AP4E1: variants seen among roughly 807,000 people sequenced by gnomAD.
AP4E1 encodes AP-4 complex subunit epsilon-1.
Under a neutral mutation model 128.2 loss-of-function variants are expected in AP4E1, and 56 were observed. The observed-to-expected ratio is 0.44, with a 90% CI of 0.35 to 0.55. The LOEUF is 0.55. Ranked by LOEUF, AP4E1 falls within the 20% of genes least tolerant of loss-of-function variation. The pLI is 0.00. For missense variants in AP4E1, 1,324 were observed against 1,307.7 expected (o/e 1.01, Z -0.19); for synonymous variants, 484 against 473.1 (o/e 1.02, Z -0.30).
intron 17 of AP4E1, among the ~76,000 whole-genome samples, 155 bp downstream of exon 17, chr15:50,993,780 A>C (rs1462671157): frequency 6.6e-6 from 1 of 152,216 alleles, no homozygotes; most frequent in Admixed American, 6.5e-5. Context: ...CAGAACCACT[A>C]ATGACACAGC....
At chr15:50,957,159 G>A (rs1478151374) in intron 13 of AP4E1, among the ~76,000 whole-genome samples, 1 of 152,152 alleles carries the variant, frequency 6.6e-6, no homozygotes, top group East Asian at 1.9e-4. Flanking sequence ...CTCATCTGGT[G>A]TCCAGGAAAA....
chr15:50,986,228 A>G (rs1351707722), intron 16 of AP4E1, among the ~76,000 whole-genome samples: 2 of 152,188 alleles, frequency 1.3e-5, no homozygotes, highest in Non-Finnish European at 2.9e-5. Flanking sequence ...GGGGTTTTCT[A>G]GATATACAAT....
At chr15:50,909,067 C>A in intron 1 of AP4E1, 139 bp downstream of exon 1, 1 of 1,370,792 alleles carries the variant, frequency 7.3e-7, no homozygotes. Context: ...GTCGGTTCGT[C>A]CTTTCGTCTG....
intron 10 of AP4E1, among the ~76,000 whole-genome samples, chr15:50,944,107 C>T (rs8031702): frequency 0.48 from 72,995 of 151,920 alleles, 17,851 homozygotes; most frequent in East Asian, 0.59. Flanking sequence ...TTACCTGCAG[C>T]GAGAAAAGTG....
chr15:50,911,448 A>T (rs1307100060), intron 1 of AP4E1, among the ~76,000 whole-genome samples: 1 of 150,170 alleles, frequency 6.7e-6, no homozygotes, highest in South Asian at 2.1e-4. Context: ...GGGCCAATAC[A>T]TGGAGAATTT....
At chr15:50,938,314 A>G (rs1440640272) in intron 8 of AP4E1, among the ~76,000 whole-genome samples, 4 of 152,172 alleles carry the variant, frequency 2.6e-5, no homozygotes, top group Non-Finnish European at 5.9e-5. Flanking sequence ...AGAAAAGGGA[A>G]ATTAGCAAGG....
At chr15:50,955,497 A>C (rs1041067772) in intron 13 of AP4E1, among the ~76,000 whole-genome samples, 9 of 152,122 alleles carry the variant, frequency 5.9e-5, no homozygotes, top group African/African-American at 2.2e-4. Context: ...GGTGTTGTTC[A>C]GTTCTTCTAT....
chr15:50,968,208 A>G, intron 14 of AP4E1, 55 bp from the exon 15 acceptor site: 2 of 1,164,814 alleles, frequency 1.7e-6, no homozygotes, highest in South Asian at 1.3e-5. Context: ...GTGACTATAT[A>G]ATCTACTTAG....
intron 16 of AP4E1, among the ~76,000 whole-genome samples, chr15:50,986,073 A>G (rs1474867121): frequency 7.2e-5 from 11 of 152,146 alleles, no homozygotes; most frequent in Non-Finnish European, 1.2e-4. Flanking sequence ...CTTTGAAGCA[A>G]TTGTGAATGG....
chr15:50,984,270 C>T (rs1460892995), intron 16 of AP4E1, 125 bp downstream of exon 16: 1 of 1,187,126 alleles, frequency 8.4e-7, no homozygotes, highest in Non-Finnish European at 1.2e-6. Context: ...GGATAACTTT[C>T]AAGAGGTCTA....
chr15:50,923,800 T>C (rs1477903029), intron 3 of AP4E1, 131 bp from the exon 4 acceptor site: 1 of 698,718 alleles, frequency 1.4e-6, no homozygotes, highest in African/African-American at 1.8e-5. Flanking sequence ...TTTAACCTTA[T>C]ATTTTGCAAT....
At chr15:50,924,539 G>A (rs2063746306) in intron 4 of AP4E1, among the ~76,000 whole-genome samples, 1 of 152,078 alleles carries the variant, frequency 6.6e-6, no homozygotes, top group African/African-American at 2.4e-5. Context: ...TTTATCTTGT[G>A]TCAGTTTTTT....
chr15:51,002,864 T>A lies in AP4E1; in HGVS notation c.*202T>A, dbSNP rs2064981728. 1 of 617,930 alleles carries A rather than the reference T, an allele frequency of 1.6e-6. No individual in the cohort carries two copies. Among genetic ancestry groups the A allele is most frequent in the Non-Finnish European group, 2.7e-6 (1 of 363,940 alleles). 38.3% of individuals were successfully genotyped at this position (617,930 alleles called of 1,614,324 possible). ...ACCTTTAACTCAGGATTGTACAGTATGTTTAGGTCCCTCAAAAAGTGACCT... is the reference window on the plus strand; with the variant it reads ...ACCTTTAACTCAGGATTGTACAGTAAGTTTAGGTCCCTCAAAAAGTGACCT... On this transcript the variant is annotated 3_prime_UTR_variant, in exon 21 of 21. Transcript: ENST00000261842.
chr15:50,937,673 A>G (rs977519212), intron 8 of AP4E1, among the ~76,000 whole-genome samples: 7 of 152,226 alleles, frequency 4.6e-5, no homozygotes, highest in Non-Finnish European at 1.0e-4. Flanking sequence ...TACTGATGTG[A>G]TAGGACCCTG....
intron 15 of AP4E1, among the ~76,000 whole-genome samples, chr15:50,969,572 C>T (rs1489382339): frequency 6.6e-6 from 1 of 151,828 alleles, no homozygotes. Flanking sequence ...TGTTTCAATC[C>T]TTGTATAGTG....
At chr15:50,922,648 G>A (rs1040862484) in intron 3 of AP4E1, among the ~76,000 whole-genome samples, 20 of 152,184 alleles carry the variant, frequency 1.3e-4, no homozygotes, top group Non-Finnish European at 2.4e-4. Context: ...AGGGAATCAG[G>A]TCAAGATAGA....
chr15:50,963,495 G>A (rs190039319), intron 14 of AP4E1, among the ~76,000 whole-genome samples: 2 of 152,252 alleles, frequency 1.3e-5, no homozygotes, highest in African/African-American at 2.4e-5. Context: ...AATATTACAT[G>A]TTCTTATGCA....
chr15:50,939,668 G>A (rs959551907), intron 8 of AP4E1, among the ~76,000 whole-genome samples: 2 of 151,888 alleles, frequency 1.3e-5, no homozygotes, highest in African/African-American at 4.8e-5. Flanking sequence ...TTCCCATGTT[G>A]GCACCCCAGA....
At chr15:50,971,121 A>C (rs1347760984) in intron 15 of AP4E1, among the ~76,000 whole-genome samples, 1 of 152,186 alleles carries the variant, frequency 6.6e-6, no homozygotes, top group Non-Finnish European at 1.5e-5. Context: ...ATTTCATGTA[A>C]GGGTGGTCTA....
Sources: allele counts gnomAD v4.1 joint callset (sites outside exome capture counted in the v4.1 genomes callset), GRCh38; gene constraint gnomAD v4.1.1; transcripts MANE v1.5; gene names NCBI Gene and HGNC (gene_info 2026-07-23, HGNC 2026-07-21).